The following PARPBP variants were observed in gnomAD, a reference collection of about 807,000 sequenced individuals.
PARPBP encodes the protein PARP1 binding protein.
A neutral mutation model predicts 50.0 loss-of-function variants in PARPBP; 52 were observed. The observed-to-expected ratio is 1.04, with a 90% CI of 0.83 to 1.31. PARPBP has a LOEUF of 1.31. Ranked by LOEUF, PARPBP falls within the 50% of genes most tolerant of loss-of-function variation. The pLI is 0.00. For synonymous variants in PARPBP, 244 were observed against 232.1 expected (o/e 1.05, Z -0.47); for missense variants, 697 against 672.0 (o/e 1.04, Z -0.41).
rs1169112271 is a variant in PARPBP at position 102,178,720 on chromosome 12, T to G, written c.1134T>G (p.Asp378Glu). Residue 378 changes from aspartate to glutamate, a missense_variant, in exon 8 of 11, where the codon GAT becomes GAG. Transcript: ENST00000327680. ...PTKNKAELLY[D>E]EENTIHHHGT... is the part of the protein sequence containing the mutation. ...AAAACAAAGCAGAGCTTTTATATGA[T>G]GAGGAAAACACAATCCATCATCATG... 1 of 1,613,358 alleles carries G rather than the reference T, an allele frequency of 6.2e-7. No individual in the cohort carries two copies. Among genetic ancestry groups the G allele is most frequent in the Non-Finnish European group, 8.5e-7 (1 of 1,179,618 alleles).
intron 8 of PARPBP, among the ~76,000 whole-genome samples, chr12:102,180,994 G>A (rs1216894640): frequency 6.6e-6 from 1 of 152,050 alleles, no homozygotes; most frequent in Non-Finnish European, 1.5e-5. Context: ...AAGCCAAAAG[G>A]GATTAATTTA....
Position 102,120,198 on chromosome 12 carries a change from A to AGCGGCGACT in PARPBP, c.-85_-77dup, listed in dbSNP as rs751601446. ...GGTTTGAACTGTATTCAGCGGCGAC[A>AGCGGCGACT]GCGGCGACTGCGGCGGCCGCGGGAG... On this transcript the variant is annotated 5_prime_UTR_variant, in exon 1 of 11. Transcript: ENST00000327680. 2 of 242,030 alleles carry AGCGGCGACT rather than the reference A, an allele frequency of 8.3e-6. No individual in the cohort carries two copies. The highest frequency in any genetic ancestry group is 5.2e-5 in the Admixed American group (1 of 19,402). 15.0% of individuals were successfully genotyped at this position (242,030 alleles called of 1,614,324 possible).
rs1402887343 is a variant in PARPBP at position 102,175,493 on chromosome 12, G to T, written c.832G>T (p.Gly278Cys). The change falls in exon 7 of 11, where the codon GGT becomes TGT. Residue 278 changes from glycine (G) to cysteine (C), a missense_variant. Transcript: ENST00000327680. ...AATTTCTATTTTCAGCATTGCAGGGGGTCAAATACTGTCAGTGATAAAGAT... is the reference window on the plus strand; with the variant it reads ...AATTTCTATTTTCAGCATTGCAGGGTGTCAAATACTGTCAGTGATAAAGAT... ...GEIPNPSIAGGQILSVIKMQL... is the reference protein window; with the variant it reads ...GEIPNPSIAGCQILSVIKMQL... The T allele has an allele frequency of 1.2e-5, 20 of 1,611,420 alleles. No homozygotes were observed. The East Asian group carries it at 4.5e-4, about 36-fold the overall frequency.
At chr12:102,176,453 T>G (rs982707306) in intron 7 of PARPBP, among the ~76,000 whole-genome samples, 2 of 152,246 alleles carry the variant, frequency 1.3e-5, no homozygotes, top group African/African-American at 4.8e-5. Context: ...GTCTCTTGTT[T>G]TCTACCTCCA....
At chr12:102,159,158 T>C (rs945257018) in intron 4 of PARPBP, among the ~76,000 whole-genome samples, 2 of 152,146 alleles carry the variant, frequency 1.3e-5, no homozygotes, top group African/African-American at 4.8e-5. Context: ...TGAGACGGAG[T>C]TTCACTCTGT....
At position 102,195,859 on chromosome 12, in the gene PARPBP, G is replaced by A. The variant is rs9971748; in HGVS notation, c.1400-92G>A. Reference sequence around the variant, plus strand: ...TTTTACTTTAAAAATTTGAATATTCGTTAGCCATTTTTAAAGTTTATTGTA... The same window carrying A: ...TTTTACTTTAAAAATTTGAATATTCATTAGCCATTTTTAAAGTTTATTGTA... On this transcript the variant is annotated intron_variant, in intron 10 of 10. Coordinates refer to ENST00000327680, the MANE Select transcript of PARPBP (RefSeq NM_017915.5). 3,696 of 750,914 alleles carry A rather than the reference G, an allele frequency of 4.9e-3. 103 individuals carry two copies. In the African/African-American group the frequency reaches 0.062, roughly 13 times the overall value. The allele number at this position is 750,914 out of a possible 1,614,324, so 46.5% of individuals were successfully genotyped here.
At chr12:102,159,940 A>G (rs577339302) in intron 4 of PARPBP, among the ~76,000 whole-genome samples, 1 of 152,246 alleles carries the variant, frequency 6.6e-6, no homozygotes, top group Non-Finnish European at 1.5e-5. Flanking sequence ...CTTCTAAACA[A>G]ACATTGCAAA....
At chr12:102,134,878 A>C (rs139988780) in intron 2 of PARPBP, among the ~76,000 whole-genome samples, 211 of 152,200 alleles carry the variant, frequency 1.4e-3, no homozygotes, top group African/African-American at 4.9e-3. Flanking sequence ...GGGTTTCTCC[A>C]TGTTGCCCAG....
At chr12:102,151,048 A>G (rs895577064) in intron 3 of PARPBP, among the ~76,000 whole-genome samples, 2 of 152,182 alleles carry the variant, frequency 1.3e-5, no homozygotes, top group Non-Finnish European at 2.9e-5. Flanking sequence ...TGAGTCCCAA[A>G]AAGCTAATGA....
At chr12:102,160,605 A>G (rs965607930) in intron 4 of PARPBP, among the ~76,000 whole-genome samples, 1 of 152,226 alleles carries the variant, frequency 6.6e-6, no homozygotes, top group African/African-American at 2.4e-5. Context: ...AGACTTGTGT[A>G]ATAGAAGTAT....
intron 4 of PARPBP, among the ~76,000 whole-genome samples, chr12:102,163,591 C>G (rs998176479): frequency 6.6e-6 from 1 of 152,128 alleles, no homozygotes; most frequent in African/African-American, 2.4e-5. Flanking sequence ...CTTAAATTGT[C>G]TCATTAATCC....
At chr12:102,151,677 G>A (rs1886226330) in intron 3 of PARPBP, 1 of 1,535,560 alleles carries the variant, frequency 6.5e-7, no homozygotes, top group Admixed American at 2.0e-5. Flanking sequence ...TGACTCTGGA[G>A]CGGCAGAAGG....
intron 4 of PARPBP, among the ~76,000 whole-genome samples, chr12:102,159,868 C>G (rs1218904678): frequency 1.3e-5 from 2 of 152,112 alleles, no homozygotes; most frequent in African/African-American, 4.8e-5. Flanking sequence ...ATCTGCCTCT[C>G]AGTAAGAAGA....
At chr12:102,173,126 A>G (rs1156957157) in intron 6 of PARPBP, among the ~76,000 whole-genome samples, 2 of 152,228 alleles carry the variant, frequency 1.3e-5, no homozygotes, top group Non-Finnish European at 2.9e-5. Context: ...GAAGGAGGAA[A>G]GCCAGCGAGG....
Position 102,148,379 on chromosome 12 carries a change from C to A in PARPBP, c.303C>A (p.Asn101Lys). 1.3e-6 allele frequency: 2 copies of A among 1,585,624 alleles called. No individual in the cohort carries two copies. Among genetic ancestry groups the A allele is most frequent in the Non-Finnish European group, 1.7e-6 (2 of 1,154,556 alleles). The change falls in exon 3 of 11, where the codon AAC becomes AAA. Residue 101 changes from asparagine (N) to lysine (K), a missense_variant. Physicochemically the swap from Asn to Lys is moderately conservative, Grantham distance 94. Transcript: ENST00000327680. Reference sequence around the variant, plus strand: ...AGATTTATGATGATTTCTTGAAGAACAGTAATATGTTAGATCTGATTGATG... The same window carrying A: ...AGATTTATGATGATTTCTTGAAGAAAAGTAATATGTTAGATCTGATTGATG... ...VRKIYDDFLK[N>K]SNMLDLIDVY...
chr12:102,189,837 G>T (rs889505261), intron 9 of PARPBP, among the ~76,000 whole-genome samples: 1 of 152,098 alleles, frequency 6.6e-6, no homozygotes, highest in Non-Finnish European at 1.5e-5. Flanking sequence ...AGAGAGAAAG[G>T]CAGAATATTT....
At chr12:102,142,865 A>G (rs1003114153) in intron 2 of PARPBP, among the ~76,000 whole-genome samples, 2 of 152,202 alleles carry the variant, frequency 1.3e-5, no homozygotes, top group Non-Finnish European at 2.9e-5. Flanking sequence ...TTCGTCTCAG[A>G]GGGACACCCG....
chr12:102,146,536 C>G (rs1283609970), intron 2 of PARPBP, among the ~76,000 whole-genome samples: 1 of 152,110 alleles, frequency 6.6e-6, no homozygotes, highest in Non-Finnish European at 1.5e-5. Flanking sequence ...GAAACTGGAT[C>G]CCTTCCTTAC....
intron 9 of PARPBP, among the ~76,000 whole-genome samples, chr12:102,190,253 A>G (rs1418720478): frequency 6.6e-6 from 1 of 152,066 alleles, no homozygotes; most frequent in African/African-American, 2.4e-5. Context: ...CTGCTTGCAT[A>G]TACTTGTTAT....
Sources: allele counts gnomAD v4.1 joint callset (sites outside exome capture counted in the v4.1 genomes callset), GRCh38; gene constraint gnomAD v4.1.1; transcripts MANE v1.5; gene names NCBI Gene and HGNC (gene_info 2026-07-23, HGNC 2026-07-21).